The following MYO3B variants were observed in gnomAD, a reference collection of about 807,000 sequenced individuals.
The protein encoded by MYO3B is myosin-IIIb.
Under a neutral mutation model 174.6 loss-of-function variants are expected in MYO3B, and 156 were observed. The observed-to-expected ratio is 0.89, with a 90% CI of 0.78 to 1.02. The LOEUF (loss-of-function observed/expected upper bound fraction) is 1.02, where lower values mean the gene tolerates loss of function less well. Ranked by LOEUF, MYO3B falls within the 50% of genes least tolerant of loss-of-function variation. MYO3B has a pLI of 0.00. For synonymous variants in MYO3B, 563 were observed against 569.1 expected (o/e 0.99, Z 0.15); for missense variants, 1,632 against 1,639.4 (o/e 1.00, Z 0.08).
intron 5 of MYO3B, 66 bp downstream of exon 5, chr2:170,214,894 A>G: frequency 8.1e-7 from 1 of 1,231,986 alleles, no homozygotes; most frequent in Non-Finnish European, 1.2e-6. Context: ...AATTTATTGC[A>G]ATCTCAGAAG....
intron 22 of MYO3B, among the ~76,000 whole-genome samples, chr2:170,443,519 G>T (rs1204598122): frequency 6.6e-6 from 1 of 151,926 alleles, no homozygotes; most frequent in Non-Finnish European, 1.5e-5. Context: ...GTCAATTTTG[G>T]CTTTTGTTGC....
At chr2:170,178,785 T>A (rs1289620723) in intron 1 of MYO3B, among the ~76,000 whole-genome samples, 3 of 152,218 alleles carry the variant, frequency 2.0e-5, no homozygotes, top group African/African-American at 4.8e-5. Context: ...ATAAATTTCC[T>A]CATGCTTTGG....
intron 25 of MYO3B, among the ~76,000 whole-genome samples, chr2:170,486,425 C>T (rs1686064884): frequency 6.6e-6 from 1 of 151,636 alleles, no homozygotes; most frequent in Non-Finnish European, 1.5e-5. Flanking sequence ...TTGCCTCAGC[C>T]TCCCAAGTAG....
chr2:170,513,092 C>T (rs765682925), intron 28 of MYO3B, among the ~76,000 whole-genome samples: 1 of 152,122 alleles, frequency 6.6e-6, no homozygotes, highest in Non-Finnish European at 1.5e-5. Flanking sequence ...TTTCCCCGCA[C>T]ACCCCAGCCA....
At chr2:170,549,907 AG>A (rs1320833689) in intron 32 of MYO3B, among the ~76,000 whole-genome samples, 4 of 152,364 alleles carry the variant, frequency 2.6e-5, no homozygotes, top group African/African-American at 9.6e-5. Context: ...ATGATCATAA[AG>A]GGCTAAGATG....
chr2:170,391,206 T>G (rs1042268659), intron 14 of MYO3B, among the ~76,000 whole-genome samples: 7 of 151,952 alleles, frequency 4.6e-5, no homozygotes, highest in Non-Finnish European at 8.8e-5. Flanking sequence ...TGAAGCAACA[T>G]GTGGTACAAG....
chr2:170,534,271 C>G (rs1309386776), intron 30 of MYO3B, among the ~76,000 whole-genome samples: 1 of 152,162 alleles, frequency 6.6e-6, no homozygotes, highest in African/African-American at 2.4e-5. Flanking sequence ...AAGGCTGTTG[C>G]ACACTTAATA....
At position 170,243,068 on chromosome 2, in the gene MYO3B, G is replaced by A. The variant is rs959764524; in HGVS notation, c.749+6932G>A. 7.9e-5 allele frequency among the ~76,000 whole-genome samples: 12 copies of A among 152,346 alleles called. 1 individual carries two copies. The highest frequency in any genetic ancestry group is 2.6e-4 in the African/African-American group (11 of 41,580). On this transcript the variant is annotated intron_variant, in intron 7 of 34. Coordinates refer to ENST00000408978, the MANE Select transcript of MYO3B (RefSeq NM_138995.5). The stretch of plus-strand genomic sequence containing the variant: ...CTGGAGGATCCTAGAGTCAAGTGAA[G>A]CCAGTATCATTTGAAGGAAAATATA...
At chr2:170,490,089 C>T (rs866660927) in intron 25 of MYO3B, among the ~76,000 whole-genome samples, 11 of 145,696 alleles carry the variant, frequency 7.5e-5, no homozygotes, top group South Asian at 6.4e-4. Flanking sequence ...AGTGCAGTGG[C>T]GTGATCTTGG....
chr2:170,628,011 G>A (rs1462313072), intron 32 of MYO3B, among the ~76,000 whole-genome samples: 2 of 152,236 alleles, frequency 1.3e-5, no homozygotes, highest in East Asian at 3.8e-4. Flanking sequence ...ACCCACTTGA[G>A]GCAGTCTGTC....
chr2:170,482,619 G>C (rs1685770563), intron 25 of MYO3B, among the ~76,000 whole-genome samples: 2 of 152,318 alleles, frequency 1.3e-5, no homozygotes, highest in South Asian at 4.1e-4. Context: ...TCAGCAATGT[G>C]AAAACAAACT....
At position 170,540,890 on chromosome 2, in the gene MYO3B, T is replaced by C. The variant is rs140082550; in HGVS notation, c.3576-2016T>C. 1.7e-3 allele frequency among the ~76,000 whole-genome samples: 261 copies of C among 152,306 alleles called. 2 individuals carry two copies. Among genetic ancestry groups the C allele is most frequent in the African/African-American group, 5.7e-3 (237 of 41,578 alleles). On this transcript the variant is annotated intron_variant, in intron 30 of 34. Coordinates refer to ENST00000408978, the MANE Select transcript of MYO3B (RefSeq NM_138995.5). ...CTTTCTTGGAGTCTCATTGAACATA[T>C]TATTAAATTAAAGTTGCCGGAAAGC...
chr2:170,365,145 G>A (rs1010348903), intron 8 of MYO3B, among the ~76,000 whole-genome samples: 2 of 152,138 alleles, frequency 1.3e-5, no homozygotes, highest in East Asian at 1.9e-4. Context: ...TGTTTCGTAC[G>A]TTGTACCTTT....
At chr2:170,340,565 C>T (rs956750867) in intron 8 of MYO3B, 2 of 152,150 alleles carry the variant, frequency 1.3e-5, no homozygotes, top group Non-Finnish European at 2.9e-5. Flanking sequence ...GACACAGGAG[C>T]CTTCACTCAA....
chr2:170,265,128 A>C (rs1574679860), intron 7 of MYO3B, among the ~76,000 whole-genome samples: 1 of 152,342 alleles, frequency 6.6e-6, no homozygotes, highest in African/African-American at 2.4e-5. Flanking sequence ...CCATCTCTTT[A>C]CTGAAACTGT....
intron 32 of MYO3B, among the ~76,000 whole-genome samples, chr2:170,557,269 T>A (rs530063615): frequency 6.6e-6 from 1 of 152,178 alleles, no homozygotes; most frequent in East Asian, 1.9e-4. Context: ...CTTCCGGAGT[T>A]GCTGGGACTA....
rs1459769082 is a variant in MYO3B at position 170,182,420 on chromosome 2, A to G, written c.2+4131A>G. Among the ~76,000 whole-genome samples the G allele has an allele frequency of 2.0e-5, 3 of 152,142 alleles. No individual in the cohort carries two copies. The East Asian group carries it at 5.8e-4, about 29-fold the overall frequency. On this transcript the variant is annotated intron_variant, in intron 1 of 34. Transcript: ENST00000408978. The stretch of plus-strand genomic sequence containing the variant: ...ATTGATTTGTAATGTGATTTTTATC[A>G]TAAACCCTATTTCTTTGTGTATTTG...
chr2:170,485,970 C>T (rs1686022691), intron 25 of MYO3B, among the ~76,000 whole-genome samples: 1 of 152,050 alleles, frequency 6.6e-6, no homozygotes, highest in South Asian at 2.1e-4. Flanking sequence ...TGGTGGGCCT[C>T]ATCCCCAGAG....
chr2:170,391,720 A>C (rs756461909), intron 15 of MYO3B, 102 bp downstream of exon 15: 28 of 703,848 alleles, frequency 4.0e-5, no homozygotes, highest in Non-Finnish European at 6.5e-5. Context: ...GGAAACTCAC[A>C]GTCTATTTAA....
Sources: gnomAD v4.1 joint callset for allele counts (sites outside exome capture counted in the v4.1 genomes callset) on GRCh38, gnomAD v4.1.1 for gene constraint, MANE v1.5 for transcripts, NCBI Gene and HGNC (gene_info 2026-07-23, HGNC 2026-07-21) for gene names.